TMC1: variants seen among roughly 807,000 people sequenced by gnomAD.
TMC1 encodes the protein transmembrane channel-like protein 1.
TMC1 carries 84 observed loss-of-function variants against 105.8 expected under a neutral mutation model. The observed-to-expected ratio is 0.79, with a 90% CI of 0.67 to 0.95. The LOEUF (loss-of-function observed/expected upper bound fraction) is 0.95. TMC1 is among the 40% of genes least tolerant of loss of function. The pLI is 0.00. For missense variants in TMC1, 817 were observed against 914.1 expected, an observed-to-expected ratio of 0.89 and a Z score of 1.37; for synonymous variants, 315 against 311.5, an observed-to-expected ratio of 1.01 and a Z score of -0.12.
At chr9:72,662,280 C>T (rs927214405) in intron 5 of TMC1, among the ~76,000 whole-genome samples, 23 of 151,582 alleles carry the variant, frequency 1.5e-4, no homozygotes, top group African/African-American at 5.1e-4. Flanking sequence ...TCCACCTCCC[C>T]GGTCCAAGCG....
chr9:72,828,172 A>C (rs1227055116), intron 21 of TMC1, among the ~76,000 whole-genome samples: 1 of 152,200 alleles, frequency 6.6e-6, no homozygotes, highest in African/African-American at 2.4e-5. Context: ...TAAACAGTAA[A>C]TCAGATTACC....
At chr9:72,808,141 G>A (rs78986824) in intron 18 of TMC1, among the ~76,000 whole-genome samples, 1,750 of 152,258 alleles carry the variant, frequency 0.011, 28 homozygotes, top group African/African-American at 0.04. Flanking sequence ...CCCTTTCTAG[G>A]CCTTCAGTAC....
At chr9:72,653,773 C>G (rs147496566) in intron 5 of TMC1, among the ~76,000 whole-genome samples, 1 of 152,292 alleles carries the variant, frequency 6.6e-6, no homozygotes, top group African/African-American at 2.4e-5. Flanking sequence ...CCTTCCTTCT[C>G]TACACCCCAC....
intron 2 of TMC1, among the ~76,000 whole-genome samples, chr9:72,611,264 T>C (rs1825019521): frequency 6.6e-6 from 1 of 152,134 alleles, no homozygotes. Flanking sequence ...ATGAAGGATA[T>C]GAAGAAGAGT....
chr9:72,676,308 T>C (rs1029234645), intron 5 of TMC1, among the ~76,000 whole-genome samples: 4 of 152,170 alleles, frequency 2.6e-5, no homozygotes, highest in Non-Finnish European at 5.9e-5. Context: ...TGCTAAGGTA[T>C]TAAGAAAAAG....
At chr9:72,821,484 A>C (rs1276963232) in intron 20 of TMC1, among the ~76,000 whole-genome samples, 1 of 151,496 alleles carries the variant, frequency 6.6e-6, no homozygotes, top group East Asian at 1.9e-4. Flanking sequence ...CCTGGAGGAC[A>C]AGAGCAAAAC....
intron 12 of TMC1, among the ~76,000 whole-genome samples, chr9:72,769,303 T>G (rs1827887524): frequency 6.6e-6 from 1 of 152,200 alleles, no homozygotes; most frequent in East Asian, 1.9e-4. Context: ...TCCAACAAGA[T>G]TGTGAGCTCA....
chr9:72,651,403 ACAC>A (rs1825812853), intron 5 of TMC1: 1 of 152,072 alleles, frequency 6.6e-6, no homozygotes, highest in South Asian at 2.1e-4. Context: ...CCTAGATCCC[ACAC>A]TCCATGGTGT....
intron 5 of TMC1, chr9:72,651,054 G>A (rs1431441016): frequency 6.8e-6 from 1 of 146,290 alleles, no homozygotes; most frequent in African/African-American, 2.5e-5. Flanking sequence ...ATTTCATGGT[G>A]TATTTTATAT....
At chr9:72,543,354 C>A (rs1823708971) in intron 1 of TMC1, among the ~76,000 whole-genome samples, 1 of 152,196 alleles carries the variant, frequency 6.6e-6, no homozygotes, top group Non-Finnish European at 1.5e-5. Flanking sequence ...CCCATCTCCC[C>A]TGCTACTAGT....
chr9:72,605,969 A>G (rs1824904492), intron 2 of TMC1, among the ~76,000 whole-genome samples: 1 of 152,134 alleles, frequency 6.6e-6, no homozygotes, highest in Non-Finnish European at 1.5e-5. Context: ...GCCAAGCTGT[A>G]TGGCTTCATT....
At chr9:72,718,877 G>T (rs1264003766) in intron 8 of TMC1, among the ~76,000 whole-genome samples, 1 of 152,152 alleles carries the variant, frequency 6.6e-6, no homozygotes, top group Admixed American at 6.5e-5. Flanking sequence ...TGTGGGGCTT[G>T]CTGTGGCTGC....
At chr9:72,781,599 A>C (rs1041070618) in intron 13 of TMC1, among the ~76,000 whole-genome samples, 1 of 152,206 alleles carries the variant, frequency 6.6e-6, no homozygotes, top group Non-Finnish European at 1.5e-5. Context: ...AGAAGATTCA[A>C]ATAAACACAA....
intron 8 of TMC1, among the ~76,000 whole-genome samples, chr9:72,732,750 G>A (rs1827234772): frequency 6.6e-6 from 1 of 152,134 alleles, no homozygotes; most frequent in South Asian, 2.1e-4. Context: ...AAAGAGTAGA[G>A]CTGTGCTACT....
At chr9:72,805,104 C>A (rs556968296) in intron 17 of TMC1, among the ~76,000 whole-genome samples, 3 of 152,234 alleles carry the variant, frequency 2.0e-5, no homozygotes, top group Admixed American at 1.3e-4. Flanking sequence ...TGCTGTGTGG[C>A]CAATATTTTC....
At chr9:72,749,339 G>A (rs777153148) in intron 10 of TMC1, among the ~76,000 whole-genome samples, 12 of 152,202 alleles carry the variant, frequency 7.9e-5, no homozygotes, top group Non-Finnish European at 1.6e-4. Context: ...AACTTACATT[G>A]ATACCTAGTG....
chr9:72,829,981 G>A (rs1220447704), intron 21 of TMC1, among the ~76,000 whole-genome samples: 1 of 152,128 alleles, frequency 6.6e-6, no homozygotes, highest in African/African-American at 2.4e-5. Flanking sequence ...ATGCCTATGA[G>A]GATTACATTC....
intron 8 of TMC1, among the ~76,000 whole-genome samples, chr9:72,703,425 C>A (rs1401433383): frequency 6.6e-6 from 1 of 152,194 alleles, no homozygotes; most frequent in Non-Finnish European, 1.5e-5. Context: ...CTGCACCCAG[C>A]CTCAATCTTT....
intron 2 of TMC1, among the ~76,000 whole-genome samples, chr9:72,590,326 TA>T (rs1450443565): frequency 6.6e-6 from 1 of 152,220 alleles, no homozygotes; most frequent in African/African-American, 2.4e-5. Flanking sequence ...AATAATTGTG[TA>T]GCTTTCAAGC....
Sources: allele counts gnomAD v4.1 joint callset (sites outside exome capture counted in the v4.1 genomes callset), GRCh38; gene constraint gnomAD v4.1.1; transcripts MANE v1.5; gene names NCBI Gene and HGNC (gene_info 2026-07-23, HGNC 2026-07-21).